Variants in CGRRF1 observed in about 807,000 individuals in gnomAD.
CGRRF1 encodes the protein cell growth regulator with ring finger domain 1.
A neutral mutation model predicts 37.2 loss-of-function variants in CGRRF1; 32 were observed. The ratio of observed to expected loss-of-function variants is 0.86; its 90% CI spans 0.65 to 1.16. The LOEUF (loss-of-function observed/expected upper bound fraction) is 1.16, where lower values mean the gene tolerates loss of function less well. Ranked by LOEUF, CGRRF1 falls within the 50% of genes most tolerant of loss-of-function variation. CGRRF1 has a pLI of 0.00. For missense variants in CGRRF1, 391 were observed against 382.6 expected (o/e 1.02, Z -0.18); for synonymous variants, 141 against 140.3 (o/e 1.00, Z -0.04).
At position 54,538,959 on chromosome 14, in the gene CGRRF1, A is replaced by G. The variant is rs760080304; in HGVS notation, c.*576A>G. On this transcript the variant is annotated 3_prime_UTR_variant, in exon 6 of 6. Transcript: ENST00000216420. ...TATAGGTTCTTAAATCATAAATACA[A>G]GATATAATTCTTGACTGTTCTCCGT... 2.6e-5 allele frequency: 4 copies of G among 152,338 alleles called. No homozygotes were observed. The highest frequency in any genetic ancestry group is 7.2e-5 in the African/African-American group (3 of 41,460). The allele number at this position is 152,338 out of a possible 1,614,324, so 9.4% of individuals were successfully genotyped here.
intron 2 of CGRRF1, among the ~76,000 whole-genome samples, chr14:54,529,694 T>C (rs780580037): frequency 5.3e-5 from 8 of 152,340 alleles, no homozygotes; most frequent in Non-Finnish European, 8.8e-5. Context: ...TAGGATCATA[T>C]ACACTATGAG....
At chr14:54,524,924 C>CA (rs1566509967) in intron 2 of CGRRF1, among the ~76,000 whole-genome samples, 1 of 152,024 alleles carries the variant, frequency 6.6e-6, no homozygotes, top group Non-Finnish European at 1.5e-5. Context: ...AGTGTACACC[C>CA]AGCTACCAGC....
chr14:54,534,285 C>A (rs2032566679), intron 4 of CGRRF1, among the ~76,000 whole-genome samples: 1 of 152,012 alleles, frequency 6.6e-6, no homozygotes. Flanking sequence ...CCACCACGCC[C>A]AGTTAATTTT....
At chr14:54,511,697 A>G (rs2032132714) in intron 1 of CGRRF1, among the ~76,000 whole-genome samples, 1 of 152,250 alleles carries the variant, frequency 6.6e-6, no homozygotes, top group Non-Finnish European at 1.5e-5. Context: ...TCAGTCAGAC[A>G]TAGGTTCAAA....
chr14:54,536,095 AGTT>A (rs919396648), intron 4 of CGRRF1: 4 of 152,150 alleles, frequency 2.6e-5, no homozygotes, highest in Admixed American at 6.6e-5. Context: ...CTTTAGAGAT[AGTT>A]GTTGTTTTCT....
At chr14:54,515,280 G>C (rs2032196754) in intron 1 of CGRRF1, among the ~76,000 whole-genome samples, 1 of 151,608 alleles carries the variant, frequency 6.6e-6, no homozygotes. Context: ...TTTTAGTAGA[G>C]ATGGGGTTTC....
intron 4 of CGRRF1, among the ~76,000 whole-genome samples, chr14:54,533,357 C>CGT: frequency 6.6e-6 from 1 of 151,924 alleles, no homozygotes; most frequent in African/African-American, 2.4e-5. Flanking sequence ...GGTTAACAGC[C>CGT]ATCTTCTCTT....
chr14:54,530,740 A>C, intron 3 of CGRRF1, 163 bp from the exon 4 acceptor site: 1 of 877,402 alleles, frequency 1.1e-6, no homozygotes, highest in South Asian at 1.8e-5. Flanking sequence ...TGTGGAGTGA[A>C]TGTCTCTATC....
intron 4 of CGRRF1, among the ~76,000 whole-genome samples, chr14:54,535,358 G>GTC (rs1555330018): frequency 3.7e-5 from 4 of 108,696 alleles, no homozygotes; most frequent in Non-Finnish European, 7.7e-5. Flanking sequence ...GAAGGGTATA[G>GTC]TCACACACAC....
intron 4 of CGRRF1, 85 bp downstream of exon 4, chr14:54,531,135 A>C: frequency 8.6e-7 from 1 of 1,165,850 alleles, no homozygotes. Context: ...AAAAAGTTTT[A>C]TTTTAATTTC....
At position 54,530,140 on chromosome 14, in the gene CGRRF1, G is replaced by C. The variant is rs771480078; in HGVS notation, c.336G>C (p.Gln112His). Residue 112 changes from glutamine (Q) to histidine (H), a missense_variant, in exon 3 of 6, where the codon CAG becomes CAC. Physicochemically the swap from Gln to His is conservative, Grantham distance 24 (BLOSUM62 0). Transcript: ENST00000216420. ...TTCAAAAATTATATGAAGCTCTGCA[G>C]AAGCATGTTTATTGCTTCAGAATAA... is the stretch of plus-strand genomic sequence containing the variant. ...CSVQKLYEAL[Q>H]KHVYCFRIST... The C allele has an allele frequency of 2.5e-6, 4 of 1,613,484 alleles. No homozygotes were observed. The Admixed American group carries it at 6.7e-5, about 27-fold the overall frequency.
intron 4 of CGRRF1, 173 bp downstream of exon 4, chr14:54,531,223 C>T (rs2032510103): frequency 1.8e-6 from 1 of 558,412 alleles, no homozygotes; most frequent in East Asian, 3.0e-5. Flanking sequence ...CAGATTATGA[C>T]TCATTTCTTG....
At chr14:54,537,604 A>C in intron 4 of CGRRF1, 118 bp from the exon 5 acceptor site, 1 of 1,083,340 alleles carries the variant, frequency 9.2e-7, no homozygotes. Context: ...TTTGAGAAGC[A>C]TTTTTCTTTT....
intron 1 of CGRRF1, among the ~76,000 whole-genome samples, chr14:54,518,563 G>A (rs200122956): frequency 4.1e-4 from 59 of 144,176 alleles, no homozygotes; most frequent in African/African-American, 1.3e-3. Flanking sequence ...AAAAAAAAAA[G>A]AAAAAAAAAA....
At chr14:54,533,631 T>A (rs184114246) in intron 4 of CGRRF1, among the ~76,000 whole-genome samples, 1,751 of 152,020 alleles carry the variant, frequency 0.012, 14 homozygotes, top group Non-Finnish European at 0.017. Flanking sequence ...TATATTTTTT[T>A]AAAAAATTTA....
chr14:54,516,085 C>T (rs1463932818), intron 1 of CGRRF1, among the ~76,000 whole-genome samples: 1 of 151,942 alleles, frequency 6.6e-6, no homozygotes. Context: ...TTATGTGATT[C>T]CATTTTATCT....
At chr14:54,525,019 C>A (rs982622227) in intron 2 of CGRRF1, among the ~76,000 whole-genome samples, 2 of 152,070 alleles carry the variant, frequency 1.3e-5, no homozygotes, top group Non-Finnish European at 2.9e-5. Flanking sequence ...TTCACTTCAG[C>A]CTGGGTGACA....
intron 2 of CGRRF1, among the ~76,000 whole-genome samples, chr14:54,526,715 C>T (rs1414445232): frequency 6.6e-6 from 1 of 152,146 alleles, no homozygotes; most frequent in Non-Finnish European, 1.5e-5. Flanking sequence ...TATATTTTAG[C>T]TTATTCACTC....
chr14:54,517,417 G>T (rs76633408), intron 1 of CGRRF1, among the ~76,000 whole-genome samples: 294 of 152,222 alleles, frequency 1.9e-3, no homozygotes, highest in African/African-American at 6.9e-3. Context: ...CATCAAAAGT[G>T]AATTTTTATT....
Sources: allele counts gnomAD v4.1 joint callset (sites outside exome capture counted in the v4.1 genomes callset), GRCh38; gene constraint gnomAD v4.1.1; transcripts MANE v1.5; gene names NCBI Gene and HGNC (gene_info 2026-07-23, HGNC 2026-07-21).